CEACAM6: variants seen among roughly 807,000 people sequenced by gnomAD.
CEACAM6 encodes CEA cell adhesion molecule 6, also known as cell adhesion molecule CEACAM6.
In CEACAM6, 21 loss-of-function variants were observed where a neutral mutation model predicts 32.4. The ratio of observed to expected loss-of-function variants is 0.65; its 90% CI spans 0.46 to 0.93. The LOEUF is 0.93. Ranked by LOEUF, CEACAM6 falls within the 40% of genes least tolerant of loss-of-function variation. The probability of loss-of-function intolerance (pLI) is 0.00; values close to 1 mark genes in which losing one functional copy is unlikely to be tolerated. For missense variants in CEACAM6, 406 were observed against 432.2 expected, an observed-to-expected ratio of 0.94 and a Z score of 0.54; for synonymous variants, 184 against 174.4, an observed-to-expected ratio of 1.06 and a Z score of -0.43.
intron 2 of CEACAM6, 60 bp downstream of exon 2, chr19:41,757,019 A>C: frequency 6.4e-7 from 1 of 1,555,128 alleles, no homozygotes; most frequent in South Asian, 1.2e-5. Flanking sequence ...CACATACGGG[A>C]TTGTCAGGCC....
rs782483457 is a variant in CEACAM6 at position 41,761,249 on chromosome 19, C to T, written c.425C>T (p.Pro142Leu). 1.2e-5 allele frequency: 19 copies of T among 1,614,172 alleles called. No homozygotes were observed. Among genetic ancestry groups the T allele is most frequent in the South Asian group, 4.4e-5 (4 of 91,076 alleles). The change falls in exon 3 of 6, where the codon CCG (proline) becomes CTG (leucine). Residue 142 changes from proline (P) to leucine (L), a missense_variant and splice_region_variant. Transcript: ENST00000199764. ...AATCTTCTCTCTGTTTTCTGCACAG[C>T]GGAGCTGCCCAAGCCCTCCATCTCC... ...EEATGQFHVY[P>L]ELPKPSISSN...
intron 5 of CEACAM6, among the ~76,000 whole-genome samples, chr19:41,767,518 A>C (rs1214975408): frequency 1.3e-5 from 2 of 152,234 alleles, no homozygotes; most frequent in African/African-American, 4.8e-5. Context: ...AATTCAGATA[A>C]ATCTGATGGG....
intron 5 of CEACAM6, among the ~76,000 whole-genome samples, chr19:41,768,658 A>G (rs532699749): frequency 6.6e-6 from 1 of 151,340 alleles, no homozygotes; most frequent in Non-Finnish European, 1.5e-5. Flanking sequence ...GGGGCTCCTC[A>G]CTTCCCAGTA....
intron 5 of CEACAM6, among the ~76,000 whole-genome samples, chr19:41,769,343 C>A (rs1555822735): frequency 6.6e-6 from 1 of 152,164 alleles, no homozygotes; most frequent in African/African-American, 2.4e-5. Flanking sequence ...AATACTCCGA[C>A]ATGTACTCTT....
At chr19:41,765,416 G>A (rs2072950354) in intron 4 of CEACAM6, among the ~76,000 whole-genome samples, 1 of 152,192 alleles carries the variant, frequency 6.6e-6, no homozygotes, top group Admixed American at 6.5e-5. Context: ...AAACATGGGA[G>A]AGAGGAAAAA....
chr19:41,769,511 T>C (rs1555822744), intron 5 of CEACAM6, among the ~76,000 whole-genome samples: 3 of 152,112 alleles, frequency 2.0e-5, no homozygotes, highest in South Asian at 2.1e-4. Flanking sequence ...AATATTTTTA[T>C]GATTTTTTAT....
At chr19:41,768,669 G>C (rs868961476) in intron 5 of CEACAM6, among the ~76,000 whole-genome samples, 5 of 151,800 alleles carry the variant, frequency 3.3e-5, no homozygotes, top group African/African-American at 1.2e-4. Flanking sequence ...CTTCCCAGTA[G>C]GGGCGGCCGG....
rs782027820 is a variant in CEACAM6 at position 41,755,670 on chromosome 19, T to C, written c.32T>C (p.Leu11Ser). 2.5e-6 allele frequency: 4 copies of C among 1,607,296 alleles called. No individual in the cohort carries two copies. The highest frequency in any genetic ancestry group is 3.4e-6 in the Non-Finnish European group (4 of 1,177,242). Residue 11 changes from leucine to serine, a missense_variant, in exon 1 of 6, where the codon TTG (leucine) becomes TCG (serine). Coordinates refer to ENST00000199764, the MANE Select transcript of CEACAM6 (RefSeq NM_002483.7). MGPPSAPPCR[L>S]HVPWKEVLLT... ...CCCCCCTCAGCCCCTCCCTGCAGAT[T>C]GCATGTCCCCTGGAAGGAGGTCCTG... is the stretch of plus-strand genomic sequence containing the variant.
intron 2 of CEACAM6, among the ~76,000 whole-genome samples, chr19:41,757,310 C>A (rs1568724319): frequency 6.6e-6 from 1 of 151,988 alleles, no homozygotes; most frequent in Admixed American, 6.5e-5. Context: ...CCCCTAGGGA[C>A]CCCTCAGAGA....
rs1555821067 is a variant in CEACAM6, at chr19:41,756,600, C to G, written c.65C>G (p.Ala22Gly). 6.2e-7 allele frequency: 1 copy of G among 1,613,076 alleles called. No individual in the cohort carries two copies. The highest frequency in any genetic ancestry group is 8.5e-7 in the Non-Finnish European group (1 of 1,179,416). ...HVPWKEVLLT[A>G]SLLTFWNPPT... ...ACCGATGCTCTCTCCTCTCTCCTAG[C>G]CTCACTTCTAACCTTCTGGAACCCA... The change falls in exon 2 of 6, where the codon GCC becomes GGC. Residue 22 changes from alanine (A) to glycine (G), a missense_variant and splice_region_variant. Ala to Gly is a moderately conservative substitution (Grantham distance 60). Transcript: ENST00000199764.
At chr19:41,768,502 T>C (rs1468903122) in intron 5 of CEACAM6, among the ~76,000 whole-genome samples, 2 of 152,150 alleles carry the variant, frequency 1.3e-5, no homozygotes, top group Non-Finnish European at 2.9e-5. Flanking sequence ...TCTACTTCTT[T>C]CTACACAGAC....
Position 41,762,999 on chromosome 19 carries a change from A to G in CEACAM6, c.958+776A>G, listed in dbSNP as rs782483650. Among the ~76,000 whole-genome samples, 3 of 152,294 alleles carry G rather than the reference A, an allele frequency of 2.0e-5. No individual in the cohort carries two copies. In the East Asian group the frequency reaches 5.8e-4, roughly 29 times the overall value. Reference sequence around the variant, plus strand: ...GCACAGAGGACAGCAAGTGACGCACACTTGGAGACATAGGGAGATTCAGCC... The same window carrying G: ...GCACAGAGGACAGCAAGTGACGCACGCTTGGAGACATAGGGAGATTCAGCC... On this transcript the variant is annotated intron_variant, in intron 4 of 5. Coordinates refer to ENST00000199764, the MANE Select transcript of CEACAM6 (RefSeq NM_002483.7).
intron 4 of CEACAM6, among the ~76,000 whole-genome samples, chr19:41,763,066 T>C (rs1381655435): frequency 6.6e-6 from 1 of 152,028 alleles, no homozygotes; most frequent in African/African-American, 2.4e-5. Context: ...TGACAAAAAG[T>C]GTGTATTTAT....
chr19:41,766,145 T>A, intron 4 of CEACAM6, 38 bp from the exon 5 acceptor site: 1 of 1,491,284 alleles, frequency 6.7e-7, no homozygotes, highest in South Asian at 1.2e-5. Context: ...CACTGTAGAA[T>A]AACATCACCT....
chr19:41,761,633 C>A, intron 3 of CEACAM6, 106 bp downstream of exon 3: 1 of 1,548,028 alleles, frequency 6.5e-7, no homozygotes. Flanking sequence ...AGACCCTCAC[C>A]CAGGCTGGCC....
chr19:41,769,098 AC>A (rs2072976123), intron 5 of CEACAM6, among the ~76,000 whole-genome samples: 1 of 152,034 alleles, frequency 6.6e-6, no homozygotes, highest in South Asian at 2.1e-4. Context: ...GGCATGCGTC[AC>A]CATGCCCGGC....
At position 41,764,769 on chromosome 19, in the gene CEACAM6, TC is replaced by T. The variant is rs537964027; in HGVS notation, c.959-1413del. Among the ~76,000 whole-genome samples the T allele has an allele frequency of 8.8e-4, 134 of 152,344 alleles. 1 individual carries two copies. The highest frequency in any genetic ancestry group is 3.1e-3 in the African/African-American group (128 of 41,582). On this transcript the variant is annotated intron_variant, in intron 4 of 5. Coordinates refer to ENST00000199764, the MANE Select transcript of CEACAM6 (RefSeq NM_002483.7). ...TTATAATTCTTATTGTTTCCTTCAT[TC>T]ACTATCTTTGGGTTGATTTTGTTCT...
At chr19:41,763,327 G>C (rs910783750) in intron 4 of CEACAM6, among the ~76,000 whole-genome samples, 1 of 151,994 alleles carries the variant, frequency 6.6e-6, no homozygotes, top group African/African-American at 2.4e-5. Flanking sequence ...CTGGTCTCCC[G>C]CTCAAACCCC....
chr19:41,756,465 C>G, intron 1 of CEACAM6, 135 bp from the exon 2 acceptor site: 1 of 1,281,922 alleles, frequency 7.8e-7, no homozygotes, highest in Non-Finnish European at 1.0e-6. Context: ...CACACACACA[C>G]ACACACACAC....
Sources: allele counts gnomAD v4.1 joint callset (sites outside exome capture counted in the v4.1 genomes callset), GRCh38; gene constraint gnomAD v4.1.1; transcripts MANE v1.5; gene names NCBI Gene and HGNC (gene_info 2026-07-23, HGNC 2026-07-21).